Variants in WDR55 observed in about 807,000 individuals in gnomAD.
WDR55 encodes the protein WD repeat-containing protein 55.
WDR55 carries 31 observed loss-of-function variants against 34.0 expected under a neutral mutation model. The ratio of observed to expected loss-of-function variants is 0.91; its 90% CI spans 0.69 to 1.23. WDR55 has a LOEUF of 1.23. Ranked by LOEUF, WDR55 falls within the 50% of genes most tolerant of loss-of-function variation. WDR55 has a pLI of 0.00. For missense variants in WDR55, 440 were observed against 494.6 expected, an observed-to-expected ratio of 0.89 and a Z score of 1.05; for synonymous variants, 164 against 185.9, an observed-to-expected ratio of 0.88 and a Z score of 0.96.
chr5:140,671,231 G>A lies in WDR55; in HGVS notation c.*1577G>A. 4 of 1,603,618 alleles carry A rather than the reference G, an allele frequency of 2.5e-6. No homozygotes were observed. The highest frequency in any genetic ancestry group is 3.4e-6 in the Non-Finnish European group (4 of 1,172,910). The stretch of plus-strand genomic sequence containing the variant: ...CAGAAAGTGGCCACCCAGGCCTGCT[G>A]GGATGGGGCCTGACACAGGCTCTGC... On this transcript the variant is annotated 3_prime_UTR_variant, in exon 7 of 7. Coordinates refer to ENST00000358337, the MANE Select transcript of WDR55 (RefSeq NM_017706.5).
At chr5:140,666,862 A>G in intron 1 of WDR55, 6 of 984,466 alleles carry the variant, frequency 6.1e-6, no homozygotes, top group Non-Finnish European at 7.2e-6. Context: ...TTTATCTCCA[A>G]CCTCTAGTCT....
rs749372074 is a variant in WDR55, at chr5:140,665,068, A to C, written c.156A>C (p.Leu52=). ...TGGCGTTCCATCCGGCCCGTGACCTACTGGCTGCAGGGGACGTGGACGGGG... is the reference window on the plus strand; with the variant it reads ...TGGCGTTCCATCCGGCCCGTGACCTCCTGGCTGCAGGGGACGTGGACGGGG... ...SGLAFHPARD[L]LAAGDVDGDV... Residue 52 remains leucine, a synonymous_variant, in exon 1 of 7, where the codon CTA becomes CTC. Coordinates refer to ENST00000358337, the MANE Select transcript of WDR55 (RefSeq NM_017706.5). The C allele has an allele frequency of 1.3e-5, 21 of 1,610,272 alleles. No homozygotes were observed. The African/African-American group carries it at 1.5e-4, about 11-fold the overall frequency.
In WDR55 at chr5:140,671,155, AGCAGGGAGGCTGAT is replaced by A; in HGVS notation, c.*1503_*1516del. On this transcript the variant is annotated 3_prime_UTR_variant, in exon 7 of 7. Coordinates refer to ENST00000358337, the MANE Select transcript of WDR55 (RefSeq NM_017706.5). Reference sequence around the variant, plus strand: ...CCCAGGTGCCATAGGTCCCTGTCCCAGCAGGGAGGCTGATGGGCCTGGGCCCATGCCCCTCCCCA... The same window carrying A: ...CCCAGGTGCCATAGGTCCCTGTCCCAGGGCCTGGGCCCATGCCCCTCCCCA... 1 of 1,117,444 alleles carries A rather than the reference AGCAGGGAGGCTGAT, an allele frequency of 8.9e-7. No homozygotes were observed. Among genetic ancestry groups the A allele is most frequent in the Non-Finnish European group, 1.3e-6 (1 of 756,120 alleles). The allele number at this position is 1,117,444 out of a possible 1,614,324, so 69.2% of individuals were successfully genotyped here. A position where few individuals can be genotyped will look rare whatever the true frequency, so the allele number is the denominator to read the frequency against.
chr5:140,671,104 A>G lies in WDR55; in HGVS notation c.*1450A>G, dbSNP rs1021168673. On this transcript the variant is annotated 3_prime_UTR_variant, in exon 7 of 7. Coordinates refer to ENST00000358337, the MANE Select transcript of WDR55 (RefSeq NM_017706.5). ...GAGCGGGAGGGCAAGGCCCCTCACC[A>G]CAACTTAACCCAAACCTAAGCTGCC... The G allele has an allele frequency of 2.7e-6, 2 of 739,080 alleles. No individual in the cohort carries two copies. Among genetic ancestry groups the G allele is most frequent in the East Asian group, 2.7e-5 (1 of 36,846 alleles). The allele number at this position is 739,080 out of a possible 1,614,324, so 45.8% of individuals were successfully genotyped here.
In WDR55 at chr5:140,671,263, A is replaced by C. The variant is rs555889656; in HGVS notation, c.*1609A>C. 1.2e-5 allele frequency: 19 copies of C among 1,612,118 alleles called. No homozygotes were observed. The South Asian group carries it at 2.0e-4, about 17-fold the overall frequency. The stretch of plus-strand genomic sequence containing the variant: ...GGCCTGACACAGGCTCTGCATGCCC[A>C]TTCAGGGTGCCTGTGGAGAAAGAAT... On this transcript the variant is annotated 3_prime_UTR_variant, in exon 7 of 7. Coordinates refer to ENST00000358337, the MANE Select transcript of WDR55 (RefSeq NM_017706.5).
chr5:140,665,402 A>C (rs187373900), intron 1 of WDR55, among the ~76,000 whole-genome samples: 43 of 152,248 alleles, frequency 2.8e-4, no homozygotes, highest in Non-Finnish European at 4.9e-4. Flanking sequence ...TCTGTCGCCG[A>C]GGCTGGAGTG....
chr5:140,671,481 C>A lies in WDR55; in HGVS notation c.*1827C>A. On this transcript the variant is annotated 3_prime_UTR_variant, in exon 7 of 7. Transcript: ENST00000358337. ...GGCACCGGATGCCCAGGAATCACCACCTGGTACCAGAAGCGGTGCCAGCCA... is the reference window on the plus strand; with the variant it reads ...GGCACCGGATGCCCAGGAATCACCAACTGGTACCAGAAGCGGTGCCAGCCA... The A allele has an allele frequency of 6.2e-7, 1 of 1,604,420 alleles. No individual in the cohort carries two copies. Among genetic ancestry groups the A allele is most frequent in the Non-Finnish European group, 8.5e-7 (1 of 1,176,862 alleles).
Position 140,670,054 on chromosome 5 carries a change from AG to A in WDR55, c.*402del, listed in dbSNP as rs1758035220. 1 of 186,692 alleles carries A rather than the reference AG, an allele frequency of 5.4e-6. No homozygotes were observed. The highest frequency in any genetic ancestry group is 5.5e-5 in the Admixed American group (1 of 18,192). The allele number at this position is 186,692 out of a possible 1,614,324, so 11.6% of individuals were successfully genotyped here. On this transcript the variant is annotated 3_prime_UTR_variant, in exon 7 of 7. Coordinates refer to ENST00000358337, the MANE Select transcript of WDR55 (RefSeq NM_017706.5). ...AAAAAAATTTATATTTTTTGAGACA[AG>A]GTCTCACTCTGTCACCCAGGCTGGA... is the stretch of plus-strand genomic sequence containing the variant.
rs770788245 is a variant in WDR55 at position 140,668,895 on chromosome 5, G to A, written c.565G>A (p.Asp189Asn). The A allele has an allele frequency of 1.9e-6, 3 of 1,614,226 alleles. No homozygotes were observed. Among genetic ancestry groups the A allele is most frequent in the Non-Finnish European group, 1.7e-6 (2 of 1,180,038 alleles). Reference sequence around the variant, plus strand: ...CTACTGCTCTACTCTCTACAGCGGGGATGGCTGCCTTGGCATCTTCAACAT... The same window carrying A: ...CTACTGCTCTACTCTCTACAGCGGGAATGGCTGCCTTGGCATCTTCAACAT... ...AKKLLLTASG[D>N]GCLGIFNIKR... Residue 189 changes from aspartate to asparagine, a missense_variant, in exon 5 of 7, where the codon GAT becomes AAT. Physicochemically the swap from Asp to Asn is conservative, Grantham distance 23 (BLOSUM62 1). Transcript: ENST00000358337.
chr5:140,671,297 T>G lies in WDR55; in HGVS notation c.*1643T>G, dbSNP rs773172471. On this transcript the variant is annotated 3_prime_UTR_variant, in exon 7 of 7. Coordinates refer to ENST00000358337, the MANE Select transcript of WDR55 (RefSeq NM_017706.5). ...GCCTGTGGAGAAAGAATGGAGTCACTGTTTAACCATGGTACCTGCCTCAGC... is the reference window on the plus strand; with the variant it reads ...GCCTGTGGAGAAAGAATGGAGTCACGGTTTAACCATGGTACCTGCCTCAGC... The G allele has an allele frequency of 6.2e-7, 1 of 1,612,850 alleles. No homozygotes were observed. The highest frequency in any genetic ancestry group is 1.7e-5 in the Admixed American group (1 of 60,028).
chr5:140,665,085 T>C lies in WDR55; in HGVS notation c.173T>C (p.Val58Ala), dbSNP rs1561984966. 3 of 1,602,164 alleles carry C rather than the reference T, an allele frequency of 1.9e-6. No individual in the cohort carries two copies. Among genetic ancestry groups the C allele is most frequent in the Non-Finnish European group, 2.6e-6 (3 of 1,172,896 alleles). ...CGTGACCTACTGGCTGCAGGGGACG[T>C]GGACGGGGACGTGTTCGTGTGAGAG... ...PARDLLAAGD[V>A]DGDVFVFSYS... Residue 58 changes from valine (V) to alanine (A), a missense_variant, in exon 1 of 7, where the codon GTG (valine) becomes GCG (alanine). Physicochemically the swap from Val to Ala is moderately conservative, Grantham distance 64. Coordinates refer to ENST00000358337, the MANE Select transcript of WDR55 (RefSeq NM_017706.5).
In WDR55 at chr5:140,668,217, C is replaced by G. The variant is rs780922529; in HGVS notation, c.192-17C>G. 12 of 1,584,500 alleles carry G rather than the reference C, an allele frequency of 7.6e-6. No homozygotes were observed. In the Admixed American group the frequency reaches 1.0e-4, roughly 14 times the overall value. ...GGCTGGGTCTGGAGTCATTTACCCTCCTTGCCCTCTCCCCAGCTTTTCCTA... is the reference window on the plus strand; with the variant it reads ...GGCTGGGTCTGGAGTCATTTACCCTGCTTGCCCTCTCCCCAGCTTTTCCTA... On this transcript the variant is annotated splice_polypyrimidine_tract_variant and intron_variant, in intron 1 of 6. Coordinates refer to ENST00000358337, the MANE Select transcript of WDR55 (RefSeq NM_017706.5).
At position 140,671,865 on chromosome 5, in the gene WDR55, AGT is replaced by A; in HGVS notation, c.*2215_*2216del. 2 of 1,187,100 alleles carry A rather than the reference AGT, an allele frequency of 1.7e-6. No homozygotes were observed. The highest frequency in any genetic ancestry group is 2.4e-6 in the Non-Finnish European group (2 of 818,754). 73.5% of individuals were successfully genotyped at this position (1,187,100 alleles called of 1,614,324 possible). On this transcript the variant is annotated 3_prime_UTR_variant, in exon 7 of 7. Coordinates refer to ENST00000358337, the MANE Select transcript of WDR55 (RefSeq NM_017706.5). ...ATTTGTAGCCTTCCCATTTCCTGGTAGTGTGACCATGGGTAAGAAAAGACAAT... is the reference window on the plus strand; with the variant it reads ...ATTTGTAGCCTTCCCATTTCCTGGTAGTGACCATGGGTAAGAAAAGACAAT...
In WDR55 at chr5:140,671,433, C is replaced by T. The variant is rs202148033; in HGVS notation, c.*1779C>T. 109 of 1,612,024 alleles carry T rather than the reference C, an allele frequency of 6.8e-5. No homozygotes were observed. The East Asian group carries it at 2.4e-3, about 35-fold the overall frequency. ...CCATCCCGGCCATCTAGGGTCAGCA[C>T]AACCCAGATGAGGCCGCTGAAGGGC... On this transcript the variant is annotated 3_prime_UTR_variant, in exon 7 of 7. Transcript: ENST00000358337.
rs769805670 is a variant in WDR55 at position 140,664,957 on chromosome 5, C to T, written c.45C>T (p.Asp15=). The change falls in exon 1 of 7, where the codon GAC becomes GAT. Residue 15 remains aspartate, a synonymous_variant. Coordinates refer to ENST00000358337, the MANE Select transcript of WDR55 (RefSeq NM_017706.5). ...CEERPAEDGS[D]EEDPDSMEAP... is the part of the protein sequence containing the mutation. ...AGAGGCCCGCTGAGGATGGGAGCGACGAGGAGGACCCAGACTCCATGGAAG... is the reference window on the plus strand; with the variant it reads ...AGAGGCCCGCTGAGGATGGGAGCGATGAGGAGGACCCAGACTCCATGGAAG... The T allele has an allele frequency of 2.5e-6, 4 of 1,612,248 alleles. No individual in the cohort carries two copies. In the African/African-American group the frequency reaches 4.0e-5, roughly 16 times the overall value.
In WDR55 at chr5:140,664,988, A is replaced by G. The variant is rs1010831929; in HGVS notation, c.76A>G (p.Thr26Ala). Residue 26 changes from threonine to alanine, a missense_variant, in exon 1 of 7, where the codon ACC becomes GCC. Physicochemically the swap from Thr to Ala is moderately conservative, Grantham distance 58. Transcript: ENST00000358337. ...EEDPDSMEAP[T>A]RIRDTPEDIV... ...GGACCCAGACTCCATGGAAGCCCCA[A>G]CCCGGATCCGGGACACTCCGGAAGA... The G allele has an allele frequency of 2.5e-6, 4 of 1,613,708 alleles. No homozygotes were observed. Among genetic ancestry groups the G allele is most frequent in the African/African-American group, 1.3e-5 (1 of 74,930 alleles).
rs773225591 is a variant in WDR55 at position 140,669,663 on chromosome 5, A to G, written c.*9A>G. 1.2e-6 allele frequency: 2 copies of G among 1,608,504 alleles called. No homozygotes were observed. Among genetic ancestry groups the G allele is most frequent in the South Asian group, 1.1e-5 (1 of 90,588 alleles). On this transcript the variant is annotated 3_prime_UTR_variant, in exon 7 of 7. Coordinates refer to ENST00000358337, the MANE Select transcript of WDR55 (RefSeq NM_017706.5). ...GGGATGACAGTGACTGAAGGAATGA[A>G]TTGAATCTTGAGACGGGTCCTCACC...
At chr5:140,665,167 G>A (rs895427694) in intron 1 of WDR55, 64 bp downstream of exon 1, 12 of 1,464,892 alleles carry the variant, frequency 8.2e-6, no homozygotes, top group Non-Finnish European at 1.1e-5. Context: ...CCTGGGAACA[G>A]GAGAGATGAG....
At position 140,669,423 on chromosome 5, in the gene WDR55, C is replaced by T; in HGVS notation, c.921C>T (p.Gly307=). The T allele has an allele frequency of 1.9e-6, 3 of 1,614,096 alleles. No homozygotes were observed. Among genetic ancestry groups the T allele is most frequent in the Non-Finnish European group, 2.5e-6 (3 of 1,179,998 alleles). The stretch of plus-strand genomic sequence containing the variant: ...AGGAGCTGGCCCTCTCCCACTGTGG[C>T]CGCTTCCTGGCCAGTAGTGGCCATG... ...PVEELALSHC[G]RFLASSGHDQ... is the part of the protein sequence containing the mutation. The change falls in exon 7 of 7, where the codon GGC becomes GGT. Residue 307 remains glycine (G), a synonymous_variant. Coordinates refer to ENST00000358337, the MANE Select transcript of WDR55 (RefSeq NM_017706.5).
Sources: allele counts gnomAD v4.1 joint callset (sites outside exome capture counted in the v4.1 genomes callset), GRCh38; gene constraint gnomAD v4.1.1; transcripts MANE v1.5; gene names NCBI Gene and HGNC (gene_info 2026-07-23, HGNC 2026-07-21).